The following MSX1 variants were observed in gnomAD, a reference collection of about 807,000 sequenced individuals.
MSX1 encodes msh homeobox 1.
Under a neutral mutation model 17.0 loss-of-function variants are expected in MSX1, and 11 were observed. The observed-to-expected ratio is 0.65, with a 90% CI of 0.41 to 1.07. MSX1 has a LOEUF of 1.07. Among genes scored for constraint, MSX1 ranks in the 50% least tolerant of loss-of-function variants. The pLI, the probability that MSX1 is intolerant of heterozygous loss-of-function variation, is 0.00. For missense variants in MSX1, 477 were observed against 440.1 expected (o/e 1.08, Z -0.75); for synonymous variants, 253 against 211.8 (o/e 1.19, Z -1.69).
chr4:4,863,133 A>G lies in MSX1; in HGVS notation c.902A>G (p.His301Arg), dbSNP rs776499548. The change falls in exon 2 of 2, where the codon CAC becomes CGC. Residue 301 changes from histidine to arginine, a missense_variant. Coordinates refer to ENST00000382723, the MANE Select transcript of MSX1 (RefSeq NM_002448.3). ...YTAHVGYSMY[H>R]LT is the part of the protein sequence containing the mutation. Reference sequence around the variant, plus strand: ...GCCCATGTGGGCTACAGCATGTACCACCTGACATAGAGGGTCCCAGGTCGC... The same window carrying G: ...GCCCATGTGGGCTACAGCATGTACCGCCTGACATAGAGGGTCCCAGGTCGC... 8.7e-6 allele frequency: 14 copies of G among 1,603,978 alleles called. No homozygotes were observed. In the Middle Eastern group the frequency reaches 5.4e-4, roughly 62 times the overall value.
At position 4,863,165 on chromosome 4, in the gene MSX1, G is replaced by A. The variant is rs1476340293; in HGVS notation, c.*22G>A. On this transcript the variant is annotated 3_prime_UTR_variant, in exon 2 of 2. Transcript: ENST00000382723. ...ATAGAGGGTCCCAGGTCGCCCACCT[G>A]TGGGCCAGCCGATTCCTCCAGCCCT... is the stretch of plus-strand genomic sequence containing the variant. The A allele has an allele frequency of 6.3e-7, 1 of 1,575,458 alleles. No individual in the cohort carries two copies. Among genetic ancestry groups the A allele is most frequent in the Non-Finnish European group, 8.6e-7 (1 of 1,168,248 alleles).
In MSX1 at chr4:4,862,718, G is replaced by C; in HGVS notation, c.487G>C (p.Ala163Pro). The change falls in exon 2 of 2, where the codon GCC (alanine) becomes CCC (proline). Residue 163 changes from alanine (A) to proline (P), a missense_variant. Ala to Pro is a conservative substitution (Grantham distance 27). Coordinates refer to ENST00000382723, the MANE Select transcript of MSX1 (RefSeq NM_002448.3). ...GCCCTCAGGGCGGCTGAGCCCCCCA[G>C]CCTGCACCCTCCGCAAACACAAGAC... The part of the protein sequence containing the change: ...PPPARRLSPP[A>P]CTLRKHKTNR... 6.2e-7 allele frequency: 1 copy of C among 1,612,932 alleles called. No individual in the cohort carries two copies. Among genetic ancestry groups the C allele is most frequent in the East Asian group, 2.2e-5 (1 of 44,868 alleles).
chr4:4,862,589 T>C (rs766960586), intron 1 of MSX1, 112 bp from the exon 2 acceptor site: 52 of 1,293,458 alleles, frequency 4.0e-5, no homozygotes, highest in Non-Finnish European at 5.4e-5. Flanking sequence ...ACCGAGGCAC[T>C]TGGCGGCACT....
chr4:4,862,646 C>G (rs1324054538), intron 1 of MSX1, 55 bp from the exon 2 acceptor site: 3 of 1,589,758 alleles, frequency 1.9e-6, no homozygotes, highest in Non-Finnish European at 2.6e-6. Flanking sequence ...TTGGGCTGAT[C>G]ATGCTCCAAT....
At position 4,860,166 on chromosome 4, in the gene MSX1, G is replaced by A. The variant is rs1247214833; in HGVS notation, c.267G>A (p.Ala89=). 3 of 1,507,070 alleles carry A rather than the reference G, an allele frequency of 2.0e-6. No homozygotes were observed. Among genetic ancestry groups the A allele is most frequent in the African/African-American group, 2.9e-5 (2 of 69,168 alleles). The allele number at this position is 1,507,070 out of a possible 1,614,324, so 93.4% of individuals were successfully genotyped here. A position where few individuals can be genotyped will look rare whatever the true frequency, so the allele number is the denominator to read the frequency against. The change falls in exon 1 of 2, where the codon GCG becomes GCA. Residue 89 remains alanine (A), a synonymous_variant. Transcript: ENST00000382723. ...ALAPSEGVQA[A]GGSAQPLGVP... ...CGCCCTCCGAGGGCGTGCAGGCGGC[G>A]GGTGGCTCGGCGCAGCCACTGGGCG...
In MSX1 at chr4:4,862,692, G is replaced by C; in HGVS notation, c.470-9G>C. ...TAACCCCTTGCTTTTTTTTTCTTTC[G>C]GCCCTCAGGGCGGCTGAGCCCCCCA... On this transcript the variant is annotated splice_polypyrimidine_tract_variant and intron_variant, in intron 1 of 1. Coordinates refer to ENST00000382723, the MANE Select transcript of MSX1 (RefSeq NM_002448.3). The C allele has an allele frequency of 6.2e-7, 1 of 1,606,212 alleles. No homozygotes were observed.
intron 1 of MSX1, among the ~76,000 whole-genome samples, chr4:4,862,150 A>C (rs1327017403): frequency 6.6e-6 from 1 of 152,220 alleles, no homozygotes; most frequent in Non-Finnish European, 1.5e-5. Flanking sequence ...GTAGGAGCGA[A>C]GTGTTCCGGG....
rs1737979761 is a variant in MSX1, at chr4:4,863,581, A to AAAAAAAAAAAAAAAAAAAAAAAAAAC, written c.*445_*446insAAAAAAAAAAAAAAAAAACAAAAAAA. ...AAAAAAAAAAAAAAAAAAAAAAAAA[A>AAAAAAAAAAAAAAAAAAAAAAAAAAC]AAAAAAAGAAAAGAGAAAAAAAAGA... On this transcript the variant is annotated 3_prime_UTR_variant, in exon 2 of 2. Coordinates refer to ENST00000382723, the MANE Select transcript of MSX1 (RefSeq NM_002448.3). 7.4e-6 allele frequency: 1 copy of AAAAAAAAAAAAAAAAAAAAAAAAAAC among 136,036 alleles called. No homozygotes were observed. The highest frequency in any genetic ancestry group is 1.5e-5 in the Non-Finnish European group (1 of 64,612). The allele number at this position is 136,036 out of a possible 1,614,324, so 8.4% of individuals were successfully genotyped here. A position where few individuals can be genotyped will look rare whatever the true frequency, so the allele number is the denominator to read the frequency against.
intron 1 of MSX1, among the ~76,000 whole-genome samples, chr4:4,861,064 C>T (rs1737906351): frequency 6.6e-6 from 1 of 152,282 alleles, no homozygotes; most frequent in Non-Finnish European, 1.5e-5. Flanking sequence ...CTCACGGCCC[C>T]CTGGCTGCTC....
intron 1 of MSX1, 44 bp from the exon 2 acceptor site, chr4:4,862,657 G>A: frequency 6.3e-7 from 1 of 1,599,358 alleles, no homozygotes; most frequent in Non-Finnish European, 8.5e-7. Context: ...ATGCTCCAAT[G>A]CTTCTCTCTT....
At position 4,862,771 on chromosome 4, in the gene MSX1, C is replaced by A. The variant is rs1362438287; in HGVS notation, c.540C>A (p.Thr180=). Residue 180 remains threonine, a synonymous_variant, in exon 2 of 2, where the codon ACC becomes ACA. Transcript: ENST00000382723. The stretch of plus-strand genomic sequence containing the variant: ...ACCGTAAGCCGCGGACGCCCTTCAC[C>A]ACCGCGCAGCTGCTGGCGCTGGAGC... ...KTNRKPRTPF[T]TAQLLALERK... 1 of 1,613,540 alleles carries A rather than the reference C, an allele frequency of 6.2e-7. No individual in the cohort carries two copies. The highest frequency in any genetic ancestry group is 1.3e-5 in the African/African-American group (1 of 75,080).
intron 1 of MSX1, 29 bp downstream of exon 1, chr4:4,860,397 G>A (rs1322064557): frequency 2.8e-6 from 4 of 1,449,446 alleles, no homozygotes; most frequent in Non-Finnish European, 1.9e-6. Flanking sequence ...GGCGCAGAGG[G>A]AGGGGGCCGG....
chr4:4,863,220 T>C lies in MSX1; in HGVS notation c.*77T>C. Reference sequence around the variant, plus strand: ...CTGTACCCCCGACGTGCTCCCCTGCTCGGCACCGCCAGCCGCCTTCCCTTT... The same window carrying C: ...CTGTACCCCCGACGTGCTCCCCTGCCCGGCACCGCCAGCCGCCTTCCCTTT... On this transcript the variant is annotated 3_prime_UTR_variant, in exon 2 of 2. Coordinates refer to ENST00000382723, the MANE Select transcript of MSX1 (RefSeq NM_002448.3). The C allele has an allele frequency of 6.9e-7, 1 of 1,443,304 alleles. No individual in the cohort carries two copies. Among genetic ancestry groups the C allele is most frequent in the Middle Eastern group, 2.4e-4 (1 of 4,192 alleles). 89.4% of individuals were successfully genotyped at this position (1,443,304 alleles called of 1,614,324 possible).
intron 1 of MSX1, among the ~76,000 whole-genome samples, chr4:4,860,853 C>G (rs1314854517): frequency 6.6e-6 from 1 of 152,182 alleles, no homozygotes; most frequent in Non-Finnish European, 1.5e-5. Context: ...CTCCCCATGC[C>G]CTTTGAGTTT....
chr4:4,859,792 C>T lies in MSX1; in HGVS notation c.-108C>T. ...GGAGGCGCGCGCGGGAGGGTCCGCC[C>T]GGCCAGGGCCCCGGGCGCTCGCAGA... is the stretch of plus-strand genomic sequence containing the variant. On this transcript the variant is annotated 5_prime_UTR_variant, in exon 1 of 2. Coordinates refer to ENST00000382723, the MANE Select transcript of MSX1 (RefSeq NM_002448.3). The T allele has an allele frequency of 9.3e-6, 9 of 970,686 alleles. No individual in the cohort carries two copies. Among genetic ancestry groups the T allele is most frequent in the South Asian group, 1.0e-4 (2 of 19,278 alleles). The allele number at this position is 970,686 out of a possible 1,614,324, so 60.1% of individuals were successfully genotyped here.
chr4:4,863,376 A>G lies in MSX1; in HGVS notation c.*233A>G. 1.8e-6 allele frequency: 1 copy of G among 543,480 alleles called. No homozygotes were observed. Among genetic ancestry groups the G allele is most frequent in the South Asian group, 2.2e-5 (1 of 45,554 alleles). The allele number at this position is 543,480 out of a possible 1,614,324, so 33.7% of individuals were successfully genotyped here. A position where few individuals can be genotyped will look rare whatever the true frequency, so the allele number is the denominator to read the frequency against. On this transcript the variant is annotated 3_prime_UTR_variant, in exon 2 of 2. Coordinates refer to ENST00000382723, the MANE Select transcript of MSX1 (RefSeq NM_002448.3). ...CATTTAGATCTACACTCTCGAGTTAAAGATGGGGAAACTGAGGGCAGAGAG... is the reference window on the plus strand; with the variant it reads ...CATTTAGATCTACACTCTCGAGTTAGAGATGGGGAAACTGAGGGCAGAGAG...
At chr4:4,860,468 C>A in intron 1 of MSX1, 100 bp downstream of exon 1, 1 of 1,437,068 alleles carries the variant, frequency 7.0e-7, no homozygotes, top group Non-Finnish European at 9.4e-7. Flanking sequence ...GCCTGCGTAC[C>A]TGCAGCCGGT....
At position 4,859,889 on chromosome 4, in the gene MSX1, C is replaced by T. The variant is rs774949973; in HGVS notation, c.-11C>T. 3.4e-6 allele frequency: 5 copies of T among 1,480,950 alleles called. No homozygotes were observed. The South Asian group carries it at 5.3e-5, about 16-fold the overall frequency. The allele number at this position is 1,480,950 out of a possible 1,614,324, so 91.7% of individuals were successfully genotyped here. On this transcript the variant is annotated 5_prime_UTR_variant, in exon 1 of 2. Transcript: ENST00000382723. ...GCCAGTGCTGCGGCAGAAGGGGGGG[C>T]CCGGCTCTGCATGGCCCCGGCTGCT...
At chr4:4,862,018 C>G (rs3775261) in intron 1 of MSX1, among the ~76,000 whole-genome samples, 1 of 151,826 alleles carries the variant, frequency 6.6e-6, no homozygotes, top group African/African-American at 2.4e-5. Flanking sequence ...TAGAATAAAG[C>G]AGCCCCTCGT....
Sources: allele counts gnomAD v4.1 joint callset (sites outside exome capture counted in the v4.1 genomes callset), GRCh38; gene constraint gnomAD v4.1.1; transcripts MANE v1.5; gene names NCBI Gene and HGNC (gene_info 2026-07-23, HGNC 2026-07-21).